NRXN2: variants seen among roughly 807,000 people sequenced by gnomAD.
The protein encoded by NRXN2 is neurexin-2-beta.
Under a neutral mutation model 128.8 loss-of-function variants are expected in NRXN2, and 29 were observed. The observed-to-expected ratio is 0.23, with a 90% CI of 0.17 to 0.31. The LOEUF (loss-of-function observed/expected upper bound fraction) is 0.31. Among genes scored for constraint, NRXN2 ranks in the 10% least tolerant of loss-of-function variants. The probability of loss-of-function intolerance (pLI) is 1.00; values close to 1 mark genes in which losing one functional copy is unlikely to be tolerated. For synonymous variants in NRXN2, 1,098 were observed against 1,075.2 expected, an observed-to-expected ratio of 1.02 and a Z score of -0.41; for missense variants, 1,881 against 2,452.6, an observed-to-expected ratio of 0.77 and a Z score of 4.92.
At position 64,713,580 on chromosome 11, in the gene NRXN2, G is replaced by C. The variant is rs767269040; in HGVS notation, c.120C>G (p.Arg40=). Residue 40 remains arginine, a synonymous_variant, in exon 2 of 23, where the codon CGC becomes CGG. Coordinates refer to ENST00000265459, the MANE Select transcript of NRXN2 (RefSeq NM_015080.4). The stretch of plus-strand genomic sequence containing the variant: ...TCGCCGCGCCCGCCCAGCGCGCGTA[G>C]CGAGCCCACTGCCCGGGGCCGCCGC... The part of the protein sequence containing the change: ...EFGGGPGQWA[R]YARWAGAASS... 20 of 1,384,788 alleles carry C rather than the reference G, an allele frequency of 1.4e-5. No individual in the cohort carries two copies. The Admixed American group carries it at 5.8e-4, about 40-fold the overall frequency. The allele number at this position is 1,384,788 out of a possible 1,614,324, so 85.8% of individuals were successfully genotyped here. A position where few individuals can be genotyped will look rare whatever the true frequency, so the allele number is the denominator to read the frequency against.
At chr11:64,627,395 G>T (rs942586906) in intron 19 of NRXN2, among the ~76,000 whole-genome samples, 1 of 122,810 alleles carries the variant, frequency 8.1e-6, no homozygotes, top group East Asian at 2.2e-4. Context: ...GACACCCCCC[G>T]CCTTCCTCTG....
In NRXN2 at chr11:64,635,201, G is replaced by T; in HGVS notation, c.3585+70C>A. 1 of 1,551,604 alleles carries T rather than the reference G, an allele frequency of 6.4e-7. No homozygotes were observed. Among genetic ancestry groups the T allele is most frequent in the South Asian group, 1.1e-5 (1 of 89,560 alleles). On this transcript the variant is annotated intron_variant, in intron 18 of 22. Coordinates refer to ENST00000265459, the MANE Select transcript of NRXN2 (RefSeq NM_015080.4). This position sits in a 1 kb window ranked among gnomAD's most constrained non-coding sequence, Gnocchi z 4.8. ...GAAGACTTGAGGTGCTGATCCCATG[G>T]CAATGAGGGGCTGAACTGATTTGGG... is the stretch of plus-strand genomic sequence containing the variant.
rs2043673912 is a variant in NRXN2, at chr11:64,630,187, C to T, written c.3757+215G>A. Among the ~76,000 whole-genome samples, 1 of 152,088 alleles carries T rather than the reference C, an allele frequency of 6.6e-6. No homozygotes were observed. Among genetic ancestry groups the T allele is most frequent in the Non-Finnish European group, 1.5e-5 (1 of 67,978 alleles). On this transcript the variant is annotated intron_variant, in intron 19 of 22. Transcript: ENST00000265459. The surrounding 1 kb of genome is among the most constrained non-coding windows in gnomAD (Gnocchi z 4.6). Reference sequence around the variant, plus strand: ...CCCATAGGGGGCGCATTCGCACCACCACGGTCTCGCCCCGCCGCCACAAAT... The same window carrying T: ...CCCATAGGGGGCGCATTCGCACCACTACGGTCTCGCCCCGCCGCCACAAAT...
At chr11:64,697,878 C>T (rs2135606478) in intron 2 of NRXN2, 86 bp from the exon 3 acceptor site, 1 of 1,533,332 alleles carries the variant, frequency 6.5e-7, no homozygotes, top group Non-Finnish European at 9.0e-7. Flanking sequence ...GACAGGGGCT[C>T]CAAGGGGAGA....
chr11:64,657,298 A>G (rs1376424658), intron 11 of NRXN2, among the ~76,000 whole-genome samples: 1 of 152,092 alleles, frequency 6.6e-6, no homozygotes, highest in African/African-American at 2.4e-5. Flanking sequence ...TGTGGTTCAG[A>G]GATTCTTTAC....
At chr11:64,711,209 T>TC (rs1192744897) in intron 2 of NRXN2, among the ~76,000 whole-genome samples, 1 of 152,140 alleles carries the variant, frequency 6.6e-6, no homozygotes, top group Non-Finnish European at 1.5e-5. Flanking sequence ...CGGGCCACAT[T>TC]CATGTTGCCA....
intron 4 of NRXN2, 86 bp downstream of exon 4, chr11:64,692,760 CA>C: frequency 7.1e-7 from 1 of 1,410,852 alleles, no homozygotes; most frequent in Non-Finnish European, 1.0e-6. Flanking sequence ...GGGAAGGGGA[CA>C]GGGGAAGGAC....
chr11:64,608,111 A>G, intron 22 of NRXN2, 29 bp from the exon 23 acceptor site: 2 of 1,557,938 alleles, frequency 1.3e-6, no homozygotes, highest in Non-Finnish European at 1.7e-6. Flanking sequence ...GAGAAAAGAG[A>G]GGGCGTCAGC....
intron 1 of NRXN2, among the ~76,000 whole-genome samples, chr11:64,719,768 G>A (rs1376789491): frequency 1.3e-5 from 2 of 152,210 alleles, no homozygotes; most frequent in Non-Finnish European, 2.9e-5. Context: ...GCACCCCAGT[G>A]ATGCAGAGGG....
rs1276577168 is a variant in NRXN2, at chr11:64,607,699, C to A, written c.4636G>T (p.Ala1546Ser). 2 of 1,542,034 alleles carry A rather than the reference C, an allele frequency of 1.3e-6. No individual in the cohort carries two copies. The highest frequency in any genetic ancestry group is 1.8e-6 in the Non-Finnish European group (2 of 1,140,996). ...PNLRTDGATG[A>S]PGVLFAPSAP... ...GAGGGGGCAAACAGCACCCCAGGGG[C>A]GCCCGTGGCCCCATCTGTCCTGAGG... Residue 1546 changes from alanine to serine, a missense_variant, in exon 23 of 23, where the codon GCC becomes TCC. Physicochemically the swap from Ala to Ser is moderately conservative, Grantham distance 99. Coordinates refer to ENST00000265459, the MANE Select transcript of NRXN2 (RefSeq NM_015080.4).
chr11:64,628,996 C>A (rs915724765), intron 19 of NRXN2, among the ~76,000 whole-genome samples: 1 of 151,806 alleles, frequency 6.6e-6, no homozygotes, highest in Non-Finnish European at 1.5e-5. Flanking sequence ...TATTAGGGGG[C>A]CACGCAGGCC....
intron 2 of NRXN2, among the ~76,000 whole-genome samples, chr11:64,701,428 T>C (rs1451401566): frequency 2.0e-4 from 30 of 152,140 alleles, no homozygotes; most frequent in Admixed American, 2.0e-3. Context: ...GCTAAGAAAA[T>C]CTACTCTTTC....
At chr11:64,705,296 G>T (rs78649328) in intron 2 of NRXN2, among the ~76,000 whole-genome samples, 2 of 152,152 alleles carry the variant, frequency 1.3e-5, no homozygotes, top group Admixed American at 6.5e-5. Flanking sequence ...TCAGCTCAGG[G>T]CTCAGATCCC....
intron 7 of NRXN2, among the ~76,000 whole-genome samples, chr11:64,670,041 G>A (rs1285761600): frequency 6.8e-6 from 1 of 147,778 alleles, no homozygotes; most frequent in Non-Finnish European, 1.5e-5. Flanking sequence ...TGAGGTGGAG[G>A]AACTCCAAAG....
chr11:64,676,955 G>A (rs200953307), intron 7 of NRXN2, 38 bp downstream of exon 7: 52 of 1,595,984 alleles, frequency 3.3e-5, no homozygotes, highest in East Asian at 1.3e-4. Flanking sequence ...AAAAACCCAC[G>A]GCAAACCAAA....
chr11:64,643,364 G>A (rs902067969), intron 17 of NRXN2: 6 of 658,672 alleles, frequency 9.1e-6, no homozygotes, highest in Admixed American at 7.7e-5. Context: ...GCCGGGGGAG[G>A]GGGGGGCGGG....
At chr11:64,696,060 C>CCCT (rs890515644) in intron 3 of NRXN2, among the ~76,000 whole-genome samples, 5 of 147,566 alleles carry the variant, frequency 3.4e-5, no homozygotes, top group African/African-American at 1.3e-4. Context: ...TTCACTTACC[C>CCCT]CCTCTCCTTC....
Position 64,615,868 on chromosome 11 carries a change from GTA to G in NRXN2, c.4252+4424_4252+4425del, listed in dbSNP as rs56055509. 5.4e-3 allele frequency among the ~76,000 whole-genome samples: 438 copies of G among 80,808 alleles called. 4 individuals are homozygous for G. The highest frequency in any genetic ancestry group is 0.029 in the East Asian group (36 of 1,228). The allele number at this position is 80,808 out of a possible 152,430, so 53.0% of individuals were successfully genotyped here. The stretch of plus-strand genomic sequence containing the variant: ...TGTGTGTGTGTGTGTGTGTGTGTGT[GTA>G]TGTGTATACCTCTGTACAGGTCTAA... On this transcript the variant is annotated intron_variant, in intron 22 of 22. Coordinates refer to ENST00000265459, the MANE Select transcript of NRXN2 (RefSeq NM_015080.4).
intron 6 of NRXN2, 27 bp downstream of exon 6, chr11:64,685,619 C>T: frequency 6.2e-7 from 1 of 1,613,768 alleles, no homozygotes. Context: ...TATAGCTAAT[C>T]CCTGGCCTTC....
Sources: gnomAD v4.1 joint callset for allele counts (sites outside exome capture counted in the v4.1 genomes callset) on GRCh38, gnomAD v4.1.1 for gene constraint, Gnocchi (gnomAD v3.1) non-coding constraint, MANE v1.5 for transcripts, NCBI Gene and HGNC (gene_info 2026-07-23, HGNC 2026-07-21) for gene names.